Variants in RGPD4 observed in about 807,000 individuals in gnomAD.
RGPD4 encodes RANBP2 like and GRIP domain containing 4.
RGPD4 carries 84 observed loss-of-function variants against 141.1 expected under a neutral mutation model. The observed-to-expected ratio is 0.60, with a 90% CI of 0.50 to 0.71. The LOEUF (loss-of-function observed/expected upper bound fraction) is 0.71. RGPD4 is among the 30% of genes least tolerant of loss of function. The pLI is 0.00. For synonymous variants in RGPD4, 298 were observed against 566.8 expected (o/e 0.53, Z 6.74); for missense variants, 918 against 1,622.4 (o/e 0.57, Z 7.46).
intron 7 of RGPD4, among the ~76,000 whole-genome samples, chr2:107,849,726 A>G (rs1221982877): frequency 1.4e-5 from 1 of 73,874 alleles, no homozygotes; most frequent in African/African-American, 5.8e-5. Flanking sequence ...AAAAGAAATA[A>G]GCAGTCTTCC....
intron 21 of RGPD4, 106 bp downstream of exon 21, chr2:107,880,213 A>G: frequency 6.7e-7 from 1 of 1,482,204 alleles, no homozygotes; most frequent in Non-Finnish European, 9.3e-7. Flanking sequence ...ATGCATCTAT[A>G]ACGTCTTGAT....
intron 1 of RGPD4, among the ~76,000 whole-genome samples, chr2:107,827,813 G>T (rs1435008784): frequency 3.5e-5 from 1 of 28,456 alleles, no homozygotes; most frequent in Non-Finnish European, 6.8e-5. Context: ...GCCCGGCGGC[G>T]GCCTCGATGG....
At position 107,866,904 on chromosome 2, in the gene RGPD4, G is replaced by T. The variant is rs184273266; in HGVS notation, c.2605+579G>T. Among the ~76,000 whole-genome samples the T allele has an allele frequency of 4.2e-3, 610 of 146,900 alleles. 9 individuals are homozygous for T. The highest frequency in any genetic ancestry group is 0.015 in the African/African-American group (589 of 39,342). The stretch of plus-strand genomic sequence containing the variant: ...TTTGTGTATGTGCAGGTGGGCATGG[G>T]TGTGTATCAGACATTTATTAGAGTA... On this transcript the variant is annotated intron_variant, in intron 18 of 22. Transcript: ENST00000408999.
intron 22 of RGPD4, 101 bp downstream of exon 22, chr2:107,882,974 A>G: frequency 3.9e-6 from 3 of 766,696 alleles, no homozygotes; most frequent in South Asian, 1.8e-5. Context: ...AATTTTGCTC[A>G]TTTGAATTGG....
intron 1 of RGPD4, among the ~76,000 whole-genome samples, chr2:107,828,105 G>A (rs1330908162): frequency 9.2e-5 from 2 of 21,622 alleles, no homozygotes; most frequent in East Asian, 1.2e-3. Context: ...CTGGCCGGGC[G>A]GCGGCGGCCT....
intron 1 of RGPD4, among the ~76,000 whole-genome samples, chr2:107,831,340 T>G (rs1257618593): frequency 1.5e-4 from 22 of 145,784 alleles, no homozygotes; most frequent in East Asian, 3.9e-4. Context: ...TTATTTATAT[T>G]TTTTTTAGAA....
chr2:107,830,496 C>G (rs1014144918), intron 1 of RGPD4, among the ~76,000 whole-genome samples: 9 of 152,048 alleles, frequency 5.9e-5, no homozygotes, highest in South Asian at 4.1e-4. Flanking sequence ...GTGGTGGCAA[C>G]ATTTTGACGA....
intron 15 of RGPD4, 96 bp downstream of exon 15, chr2:107,861,836 A>C: frequency 3.2e-6 from 5 of 1,585,962 alleles, no homozygotes; most frequent in Non-Finnish European, 4.3e-6. Flanking sequence ...AAAAATACTC[A>C]GTAATATGTT....
chr2:107,858,439 TTTTCTTTTC>T (rs1327508563), intron 9 of RGPD4, among the ~76,000 whole-genome samples: 6 of 151,204 alleles, frequency 4.0e-5, no homozygotes, highest in African/African-American at 1.5e-4. Context: ...TTTTCTTTTC[TTTTCTTTTC>T]TTTTTTTTGA....
At chr2:107,882,234 C>T (rs1375807074) in intron 21 of RGPD4, among the ~76,000 whole-genome samples, 2 of 149,794 alleles carry the variant, frequency 1.3e-5, no homozygotes, top group Non-Finnish European at 3.0e-5. Flanking sequence ...GCTGGACTGA[C>T]TCATTTCCAC....
intron 20 of RGPD4, among the ~76,000 whole-genome samples, chr2:107,874,500 ATTTTT>A (rs4012369): frequency 3.0e-4 from 34 of 112,788 alleles, no homozygotes; most frequent in Non-Finnish European, 4.4e-4. Context: ...ACAATCTCTG[ATTTTT>A]TTTTTTAAGT....
chr2:107,845,057 T>G (rs1028257746), intron 6 of RGPD4, among the ~76,000 whole-genome samples: 1 of 146,578 alleles, frequency 6.8e-6, no homozygotes, highest in Non-Finnish European at 1.5e-5. Context: ...TCTCTTTTTT[T>G]TTTTGAGACT....
chr2:107,883,879 C>G (rs973714242), intron 22 of RGPD4, among the ~76,000 whole-genome samples: 1 of 152,156 alleles, frequency 6.6e-6, no homozygotes, highest in East Asian at 1.9e-4. Flanking sequence ...CCATCTCTAA[C>G]AGTTTTCAAC....
intron 22 of RGPD4, among the ~76,000 whole-genome samples, chr2:107,883,534 G>A (rs959836998): frequency 2.7e-5 from 4 of 149,196 alleles, no homozygotes; most frequent in South Asian, 2.2e-4. Context: ...GGAGGCTGAG[G>A]CAGGAGAGTC....
Position 107,891,285 on chromosome 2 carries a change from G to A in RGPD4, c.*554G>A, listed in dbSNP as rs1339902441. ...TTGTACCACTGCACTCCAGCTCGGG[G>A]AACAGAGCGAGACCTTGTCTCTAAA... On this transcript the variant is annotated 3_prime_UTR_variant, in exon 23 of 23. Transcript: ENST00000408999. Among the ~76,000 whole-genome samples, 2 of 132,482 alleles carry A rather than the reference G, an allele frequency of 1.5e-5. No individual in the cohort carries two copies. Among genetic ancestry groups the A allele is most frequent in the African/African-American group, 3.1e-5 (1 of 31,926 alleles). 86.9% of individuals were successfully genotyped at this position (132,482 alleles called of 152,430 possible).
intron 9 of RGPD4, among the ~76,000 whole-genome samples, chr2:107,858,441 T>TTCTTTTCTTC (rs1682412290): frequency 2.0e-5 from 3 of 151,126 alleles, no homozygotes; most frequent in African/African-American, 7.4e-5. Context: ...TTCTTTTCTT[T>TTCTTTTCTTC]TCTTTTCTTT....
intron 22 of RGPD4, among the ~76,000 whole-genome samples, chr2:107,886,351 T>G (rs1283737679): frequency 4.3e-5 from 4 of 93,202 alleles, no homozygotes; most frequent in Non-Finnish European, 8.7e-5. Flanking sequence ...AAACTGCCCC[T>G]AAAAAAGACA....
intron 8 of RGPD4, among the ~76,000 whole-genome samples, chr2:107,856,419 A>G (rs1364635926): frequency 6.6e-6 from 1 of 151,916 alleles, no homozygotes; most frequent in Non-Finnish European, 1.5e-5. Context: ...TTTAGAAATC[A>G]GTGTATCAGA....
chr2:107,829,708 C>G (rs951227894), intron 1 of RGPD4, among the ~76,000 whole-genome samples: 2 of 152,128 alleles, frequency 1.3e-5, no homozygotes, highest in Non-Finnish European at 2.9e-5. Flanking sequence ...GGCGGGAGAC[C>G]TTTGGCGCCG....
Sources: allele counts gnomAD v4.1 joint callset (sites outside exome capture counted in the v4.1 genomes callset), GRCh38; gene constraint gnomAD v4.1.1; transcripts MANE v1.5; gene names NCBI Gene and HGNC (gene_info 2026-07-23, HGNC 2026-07-21).